The following LMX1A variants were observed in gnomAD, a reference collection of about 807,000 sequenced individuals.
The protein encoded by LMX1A is LIM homeobox transcription factor 1 alpha, also known as LIM homeobox transcription factor 1-alpha.
LMX1A carries 15 observed loss-of-function variants against 49.1 expected under a neutral mutation model. That is an observed-to-expected ratio of 0.31 (90% CI 0.20 to 0.47). The LOEUF is 0.47. LMX1A is among the 20% of genes least tolerant of loss of function. The probability of loss-of-function intolerance (pLI) is 1.00; values close to 1 mark genes in which losing one functional copy is unlikely to be tolerated. For missense variants in LMX1A, 372 were observed against 475.8 expected, an observed-to-expected ratio of 0.78 and a Z score of 2.03; for synonymous variants, 167 against 185.7, an observed-to-expected ratio of 0.90 and a Z score of 0.82.
At chr1:165,353,679 T>C (rs1373016203) in intron 2 of LMX1A, among the ~76,000 whole-genome samples, 1 of 152,200 alleles carries the variant, frequency 6.6e-6, no homozygotes, top group South Asian at 2.1e-4. Context: ...TAAGAACAAT[T>C]TGGATTTTTC....
chr1:165,272,078 C>T (rs112457031), intron 3 of LMX1A, among the ~76,000 whole-genome samples: 1 of 151,848 alleles, frequency 6.6e-6, no homozygotes, highest in African/African-American at 2.4e-5. Flanking sequence ...TAAACGTGTG[C>T]CATGGTGGTT....
chr1:165,235,360 A>T (rs753627608), intron 4 of LMX1A, among the ~76,000 whole-genome samples: 2 of 152,176 alleles, frequency 1.3e-5, no homozygotes, highest in African/African-American at 2.4e-5. Context: ...CAAAAAATCC[A>T]GGGGACTCTC....
chr1:165,258,332 A>T (rs886181901), intron 3 of LMX1A, among the ~76,000 whole-genome samples: 65 of 152,204 alleles, frequency 4.3e-4, no homozygotes, highest in African/African-American at 1.5e-3. Flanking sequence ...CCTTAGAAGT[A>T]GTGACACAAG....
intron 3 of LMX1A, among the ~76,000 whole-genome samples, chr1:165,348,933 G>A (rs545095571): frequency 1.3e-5 from 2 of 152,282 alleles, no homozygotes; most frequent in South Asian, 4.2e-4. Context: ...CCAAAAGAAA[G>A]GGAAGAAAAC....
chr1:165,277,434 G>C (rs1412884289), intron 3 of LMX1A, among the ~76,000 whole-genome samples: 4 of 152,258 alleles, frequency 2.6e-5, no homozygotes, highest in Non-Finnish European at 4.4e-5. Context: ...GAATCTGGGA[G>C]ACTGTTCAGG....
intron 3 of LMX1A, among the ~76,000 whole-genome samples, chr1:165,254,646 C>G (rs1257484524): frequency 6.6e-6 from 1 of 152,166 alleles, no homozygotes; most frequent in Non-Finnish European, 1.5e-5. Flanking sequence ...AAGGCTCAGA[C>G]AAGCAGAGAA....
At position 165,208,105 on chromosome 1, in the gene LMX1A, G is replaced by A; in HGVS notation, c.775C>T (p.Gln259Ter). ...KMKKLARRQQQQQQDQQNTQR... is the reference protein window; with the variant it reads ...KMKKLARRQQ ...GTGTTCTGCTGATCTTGCTGCTGCT[G>A]CTGCTGTCGCCTGGCCAGCTTCTTC... The change falls in exon 7 of 9, where the codon CAG becomes TAG. Residue 259 changes from glutamine (Q) to a stop codon, truncating the protein, a stop_gained. Coordinates refer to ENST00000342310, the MANE Select transcript of LMX1A (RefSeq NM_177398.4). LOFTEE classifies it high-confidence loss of function. 1 of 1,614,026 alleles carries A rather than the reference G, an allele frequency of 6.2e-7. No homozygotes were observed. The highest frequency in any genetic ancestry group is 1.7e-4 in the Middle Eastern group (1 of 6,054).
At chr1:165,232,653 C>A (rs1300461441) in intron 4 of LMX1A, among the ~76,000 whole-genome samples, 1 of 152,198 alleles carries the variant, frequency 6.6e-6, no homozygotes, top group Non-Finnish European at 1.5e-5. Flanking sequence ...AAACTGCCTG[C>A]TTCATACACA....
intron 3 of LMX1A, among the ~76,000 whole-genome samples, chr1:165,337,572 G>A (rs1655933473): frequency 6.6e-6 from 1 of 152,172 alleles, no homozygotes; most frequent in Non-Finnish European, 1.5e-5. Flanking sequence ...TAAGACAGAT[G>A]CCACTAATCC....
chr1:165,310,538 G>A (rs879563104), intron 3 of LMX1A, among the ~76,000 whole-genome samples: 13 of 152,200 alleles, frequency 8.5e-5, no homozygotes, highest in Non-Finnish European at 1.8e-4. Flanking sequence ...ACCCCCTGAC[G>A]AAACTGGAAG....
At chr1:165,298,030 T>G (rs1349690306) in intron 3 of LMX1A, among the ~76,000 whole-genome samples, 1 of 152,206 alleles carries the variant, frequency 6.6e-6, no homozygotes, top group Non-Finnish European at 1.5e-5. Flanking sequence ...ATAAAGACAA[T>G]GCAAGATGTT....
chr1:165,355,622 G>A lies in LMX1A; in HGVS notation c.-22-41C>T, dbSNP rs1656582686. The A allele has an allele frequency of 2.0e-6, 3 of 1,500,994 alleles. No individual in the cohort carries two copies. The Admixed American group carries it at 5.4e-5, about 27-fold the overall frequency. 93.0% of individuals were successfully genotyped at this position (1,500,994 alleles called of 1,614,324 possible). On this transcript the variant is annotated intron_variant, in intron 1 of 8. Coordinates refer to ENST00000342310, the MANE Select transcript of LMX1A (RefSeq NM_177398.4). This position sits in a 1 kb window ranked among gnomAD's most constrained non-coding sequence, Gnocchi z 4.7. ...AACGATGCGTCTGACGTCCGTGCCC[G>A]CTGGGACTCGGCGCCAGCAGCCACC...
chr1:165,229,976 C>T (rs148946788), intron 4 of LMX1A, among the ~76,000 whole-genome samples: 2 of 152,250 alleles, frequency 1.3e-5, no homozygotes, highest in East Asian at 3.9e-4. Flanking sequence ...AAAGGTTAGG[C>T]CTTTGGAGGT....
At position 165,221,893 on chromosome 1, in the gene LMX1A, G is replaced by A. The variant is rs188481823; in HGVS notation, c.497-8080C>T. Among the ~76,000 whole-genome samples, 251 of 147,082 alleles carry A rather than the reference G, an allele frequency of 1.7e-3. 1 individual carries two copies. The highest frequency in any genetic ancestry group is 2.6e-3 in the Non-Finnish European group (171 of 67,032). ...AGATCTTAAGCTAACACCTACCTTA[G>A]CTCTGTCTCCACTCTACACACACAC... On this transcript the variant is annotated intron_variant, in intron 4 of 8. Coordinates refer to ENST00000342310, the MANE Select transcript of LMX1A (RefSeq NM_177398.4).
intron 4 of LMX1A, among the ~76,000 whole-genome samples, chr1:165,247,054 C>CTTTTTTTGTTTTTTTTTTT (rs1652876179): frequency 1.9e-5 from 1 of 53,228 alleles, no homozygotes; most frequent in Non-Finnish European, 3.3e-5. Context: ...TCAGCTTTTT[C>CTTTTTTTGTTTTTTTTTTT]TTTTTTTTTT....
At chr1:165,254,262 G>A (rs904594664) in intron 3 of LMX1A, among the ~76,000 whole-genome samples, 3 of 152,110 alleles carry the variant, frequency 2.0e-5, no homozygotes, top group African/African-American at 7.2e-5. Flanking sequence ...CCCCCAAGTT[G>A]GAGAAGGGAG....
chr1:165,290,365 C>T (rs1654427984), intron 3 of LMX1A, among the ~76,000 whole-genome samples: 1 of 152,228 alleles, frequency 6.6e-6, no homozygotes, highest in Non-Finnish European at 1.5e-5. Context: ...CTTCTGGCTT[C>T]TGGTGGCTGC....
chr1:165,259,797 A>C (rs1653369332), intron 3 of LMX1A, among the ~76,000 whole-genome samples: 1 of 152,240 alleles, frequency 6.6e-6, no homozygotes, highest in African/African-American at 2.4e-5. Context: ...GTACTCCTCC[A>C]GGCTCTTAAG....
At chr1:165,348,416 T>A (rs1238106452) in intron 3 of LMX1A, among the ~76,000 whole-genome samples, 1 of 152,026 alleles carries the variant, frequency 6.6e-6, no homozygotes, top group East Asian at 1.9e-4. Context: ...CCCTCCAAAA[T>A]TAAAAAGAGA....
Sources: gnomAD v4.1 joint callset for allele counts (sites outside exome capture counted in the v4.1 genomes callset) on GRCh38, gnomAD v4.1.1 for gene constraint, Gnocchi (gnomAD v3.1) non-coding constraint, MANE v1.5 for transcripts, NCBI Gene and HGNC (gene_info 2026-07-23, HGNC 2026-07-21) for gene names.